WWOX: variants seen among roughly 807,000 people sequenced by gnomAD.
WWOX encodes the protein WW domain containing oxidoreductase.
A neutral mutation model predicts 46.2 loss-of-function variants in WWOX; 69 were observed. That is an observed-to-expected ratio of 1.49 (90% CI 1.23 to 1.82). The LOEUF is 1.82. Ranked by LOEUF, WWOX falls within the 40% of genes most tolerant of loss-of-function variation. The pLI is 0.00. For missense variants in WWOX, 919 were observed against 542.6 expected (o/e 1.69, Z -6.89); for synonymous variants, 359 against 202.6 (o/e 1.77, Z -6.56).
chr16:78,121,593 G>T (rs1490665006), intron 4 of WWOX, among the ~76,000 whole-genome samples: 1 of 151,814 alleles, frequency 6.6e-6, no homozygotes, highest in African/African-American at 2.4e-5. Context: ...AGGGGTGTGT[G>T]TATGTTATAT....
chr16:78,488,374 G>A (rs1392200856), intron 8 of WWOX, among the ~76,000 whole-genome samples: 2 of 152,024 alleles, frequency 1.3e-5, no homozygotes, highest in South Asian at 2.1e-4. Flanking sequence ...TAGGTAAAGG[G>A]CACCTCCTGT....
At chr16:78,934,061 C>T (rs1228045163) in intron 8 of WWOX, among the ~76,000 whole-genome samples, 1 of 151,896 alleles carries the variant, frequency 6.6e-6, no homozygotes, top group Non-Finnish European at 1.5e-5. Flanking sequence ...CGGGGCCGGG[C>T]ACGGTGGCTC....
chr16:78,667,670 C>CAA (rs35375082), intron 8 of WWOX, among the ~76,000 whole-genome samples: 502 of 59,230 alleles, frequency 8.5e-3, no homozygotes, highest in African/African-American at 9.8e-3. Flanking sequence ...GACTCCGTCT[C>CAA]AAAAAAAAAA....
At chr16:78,710,486 A>ATATATATATT (rs1555520977) in intron 8 of WWOX, among the ~76,000 whole-genome samples, 3 of 127,322 alleles carry the variant, frequency 2.4e-5, no homozygotes, top group African/African-American at 9.1e-5. Context: ...ATATATATAT[A>ATATATATATT]TATATATATA....
chr16:79,207,523 G>T (rs1260642611), intron 8 of WWOX, among the ~76,000 whole-genome samples: 1 of 152,174 alleles, frequency 6.6e-6, no homozygotes, highest in Admixed American at 6.5e-5. Context: ...TTCAGCATTT[G>T]CTGTGCAATG....
At chr16:78,664,976 G>A (rs1040105895) in intron 8 of WWOX, among the ~76,000 whole-genome samples, 1 of 152,158 alleles carries the variant, frequency 6.6e-6, no homozygotes, top group Non-Finnish European at 1.5e-5. Context: ...AACTTGGGAA[G>A]GTTTGCTTAA....
At chr16:78,212,691 A>G (rs904498419) in intron 5 of WWOX, among the ~76,000 whole-genome samples, 9 of 152,196 alleles carry the variant, frequency 5.9e-5, no homozygotes, top group African/African-American at 1.9e-4. Context: ...TTTAGGATAG[A>G]TATTGCCCCT....
chr16:78,816,117 C>T (rs2051323576), intron 8 of WWOX, among the ~76,000 whole-genome samples: 1 of 152,150 alleles, frequency 6.6e-6, no homozygotes, highest in African/African-American at 2.4e-5. Flanking sequence ...TAAATACTCC[C>T]CAAAATGAAG....
intron 8 of WWOX, among the ~76,000 whole-genome samples, chr16:79,072,369 T>C (rs1162501048): frequency 1.3e-5 from 2 of 152,142 alleles, no homozygotes; most frequent in South Asian, 2.1e-4. Context: ...TCCTGCAAAG[T>C]TGCACTGCCT....
chr16:78,204,786 G>T (rs2036340936), intron 5 of WWOX, among the ~76,000 whole-genome samples: 2 of 152,188 alleles, frequency 1.3e-5, no homozygotes, highest in South Asian at 2.1e-4. Context: ...GGAGAGAAAA[G>T]ATGAGCCTCA....
chr16:79,001,955 C>G (rs376855877), intron 8 of WWOX, among the ~76,000 whole-genome samples: 46 of 152,114 alleles, frequency 3.0e-4, no homozygotes, highest in African/African-American at 9.9e-4. Flanking sequence ...AAGATGTAAG[C>G]TTTTATTAAA....
intron 8 of WWOX, among the ~76,000 whole-genome samples, chr16:78,516,319 G>C (rs556816536): frequency 1.3e-5 from 2 of 152,128 alleles, no homozygotes; most frequent in South Asian, 4.1e-4. Context: ...TCTTTGCTTG[G>C]TTTTCCCTGG....
intron 8 of WWOX, among the ~76,000 whole-genome samples, chr16:78,603,039 T>C (rs557279786): frequency 7.2e-5 from 11 of 152,330 alleles, no homozygotes; most frequent in African/African-American, 2.6e-4. Context: ...TTTTCAGAAA[T>C]TGTGAACGGG....
intron 8 of WWOX, among the ~76,000 whole-genome samples, chr16:78,863,626 C>A (rs183467910): frequency 6.6e-6 from 1 of 152,108 alleles, no homozygotes; most frequent in Non-Finnish European, 1.5e-5. Context: ...CAGGCAGGCA[C>A]GAAGTCTCTT....
At chr16:78,212,084 C>G (rs1228267696) in intron 5 of WWOX, among the ~76,000 whole-genome samples, 4 of 152,264 alleles carry the variant, frequency 2.6e-5, no homozygotes, top group South Asian at 4.2e-4. Flanking sequence ...GGTGAGCATC[C>G]TGTTTGGAAT....
intron 8 of WWOX, among the ~76,000 whole-genome samples, chr16:78,632,557 A>ATTTTTTTTTTTTTTTTTTTTTTTTTT: frequency 1.3e-5 from 1 of 74,758 alleles, no homozygotes; most frequent in Non-Finnish European, 2.4e-5. Flanking sequence ...TACTTGGCCA[A>ATTTTTTTTTTTTTTTTTTTTTTTTTT]TTTTTTTTTT....
chr16:78,102,680 C>T (rs2031875249), intron 1 of WWOX, among the ~76,000 whole-genome samples: 1 of 152,188 alleles, frequency 6.6e-6, no homozygotes, highest in African/African-American at 2.4e-5. Flanking sequence ...GTACTAGTCA[C>T]CTTGTTTCTC....
At chr16:79,010,217 C>T (rs1305984319) in intron 8 of WWOX, among the ~76,000 whole-genome samples, 1 of 152,140 alleles carries the variant, frequency 6.6e-6, no homozygotes, top group Non-Finnish European at 1.5e-5. Context: ...AAATGCTTAC[C>T]GAGCATCTGC....
chr16:78,779,011 C>G (rs2050260436), intron 8 of WWOX, among the ~76,000 whole-genome samples: 1 of 152,122 alleles, frequency 6.6e-6, no homozygotes, highest in Non-Finnish European at 1.5e-5. Context: ...GATGACCAGT[C>G]TGAATAAAAC....
Sources: allele counts gnomAD v4.1 joint callset (sites outside exome capture counted in the v4.1 genomes callset), GRCh38; gene constraint gnomAD v4.1.1; transcripts MANE v1.5; gene names NCBI Gene and HGNC (gene_info 2026-07-23, HGNC 2026-07-21).